Variants in PITPNM3 observed in about 807,000 individuals in gnomAD.
PITPNM3 encodes PITPNM family member 3.
PITPNM3 carries 26 observed loss-of-function variants against 102.0 expected under a neutral mutation model. The observed-to-expected ratio is 0.25, with a 90% CI of 0.19 to 0.35. PITPNM3 has a LOEUF of 0.35. Among genes scored for constraint, PITPNM3 ranks in the 10% least tolerant of loss-of-function variants. The pLI, the probability that PITPNM3 is intolerant of heterozygous loss-of-function variation, is 1.00. For synonymous variants in PITPNM3, 578 were observed against 558.6 expected (o/e 1.03, Z -0.49); for missense variants, 1,083 against 1,346.1 (o/e 0.80, Z 3.06).
chr17:6,501,568 C>G (rs1463428727), intron 4 of PITPNM3, among the ~76,000 whole-genome samples: 1 of 152,182 alleles, frequency 6.6e-6, no homozygotes, highest in Non-Finnish European at 1.5e-5. Flanking sequence ...TCAGCCAGCC[C>G]TGCATGGTTC....
At chr17:6,503,678 G>A (rs1383423896) in intron 3 of PITPNM3, 104 bp from the exon 4 acceptor site, 12 of 1,167,108 alleles carry the variant, frequency 1.0e-5, no homozygotes, top group Admixed American at 9.5e-5. Context: ...TCACTCTAGA[G>A]CTTGGGATGG....
Position 6,483,568 on chromosome 17 carries a change from TTGA to T in PITPNM3, c.533_535del (p.Ile178del). 1.2e-6 allele frequency: 2 copies of T among 1,613,828 alleles called. No individual in the cohort carries two copies. The highest frequency in any genetic ancestry group is 8.5e-7 in the Non-Finnish European group (1 of 1,179,962). ...GCAGATGGCAGGACAGGGGACGAAC[TTGA>T]TGAGGATGTGGCCCAGGGCAGCAGG... On this transcript the variant is annotated inframe_deletion, in exon 6 of 20. Transcript: ENST00000262483.
rs551958759 is a variant in PITPNM3 at position 6,487,091 on chromosome 17, G to A, written c.275-2799C>T. ...TCATGGTGTGTGCGGCTGTGTGTGC[G>A]GCTCTGGGGCAGGCTGTGAGTCAAG... is the stretch of plus-strand genomic sequence containing the variant. On this transcript the variant is annotated intron_variant, in intron 4 of 19. Transcript: ENST00000262483. Among the ~76,000 whole-genome samples, 265 of 152,274 alleles carry A rather than the reference G, an allele frequency of 1.7e-3. 2 individuals carry two copies. The highest frequency in any genetic ancestry group is 5.9e-3 in the African/African-American group (244 of 41,552).
chr17:6,492,726 G>A (rs1394673241), intron 4 of PITPNM3, among the ~76,000 whole-genome samples: 12 of 151,966 alleles, frequency 7.9e-5, no homozygotes, highest in African/African-American at 1.2e-4. Flanking sequence ...GCATGGTGGC[G>A]GGTGCCTGTA....
chr17:6,515,652 T>C (rs1005077745), intron 3 of PITPNM3, among the ~76,000 whole-genome samples: 8 of 152,078 alleles, frequency 5.3e-5, no homozygotes, highest in Non-Finnish European at 8.8e-5. Context: ...TCCTGCTCTG[T>C]GTTGTAATCT....
At chr17:6,503,485 C>G (rs546189816) in intron 4 of PITPNM3, 42 bp downstream of exon 4, 1 of 1,605,574 alleles carries the variant, frequency 6.2e-7, no homozygotes, top group East Asian at 2.2e-5. Flanking sequence ...TTGCACCCAT[C>G]CAAGGGGAAG....
chr17:6,498,314 T>A (rs1039966164), intron 4 of PITPNM3, among the ~76,000 whole-genome samples: 2 of 152,166 alleles, frequency 1.3e-5, no homozygotes, highest in Non-Finnish European at 2.9e-5. Context: ...AAGAAAACTG[T>A]GCTTAGAGAG....
In PITPNM3 at chr17:6,468,773, T is replaced by C. The variant is rs1904912969; in HGVS notation, c.1774-432A>G. On this transcript the variant is annotated intron_variant, in intron 13 of 19. Coordinates refer to ENST00000262483, the MANE Select transcript of PITPNM3 (RefSeq NM_031220.4). The surrounding 1 kb of genome is among the most constrained non-coding windows in gnomAD (Gnocchi z 5.2). ...ACTCCCTCCGCTAGATCACTCTCCT[T>C]AGCATTCAAATACGTGTAATACTGC... is the stretch of plus-strand genomic sequence containing the variant. Among the ~76,000 whole-genome samples the C allele has an allele frequency of 6.6e-6, 1 of 152,132 alleles. No individual in the cohort carries two copies. Among genetic ancestry groups the C allele is most frequent in the Non-Finnish European group, 1.5e-5 (1 of 68,022 alleles).
intron 3 of PITPNM3, among the ~76,000 whole-genome samples, chr17:6,523,885 G>A (rs1908679207): frequency 6.6e-6 from 1 of 152,154 alleles, no homozygotes; most frequent in Non-Finnish European, 1.5e-5. Flanking sequence ...TGACTTTGTT[G>A]GGGCCCAGAA....
At chr17:6,500,758 C>T (rs780968303) in intron 4 of PITPNM3, among the ~76,000 whole-genome samples, 20 of 152,134 alleles carry the variant, frequency 1.3e-4, no homozygotes, top group Admixed American at 3.3e-4. Flanking sequence ...TCACTGCAAC[C>T]TCTGCCTCCT....
In PITPNM3 at chr17:6,483,743, G is replaced by A. The variant is rs1905895594; in HGVS notation, c.361C>T (p.Pro121Ser). Residue 121 changes from proline (P) to serine (S), a missense_variant, in exon 6 of 20, where the codon CCG (proline) becomes TCG (serine). Transcript: ENST00000262483. ...EIHEDSEEGC[P>S]QRSCKTHVLL... ...ACATGTGTCTTGCAGGAGCGCTGCGGGCAGCCTTCCTGAGAGCCAAGGCGG... is the reference window on the plus strand; with the variant it reads ...ACATGTGTCTTGCAGGAGCGCTGCGAGCAGCCTTCCTGAGAGCCAAGGCGG... 6.2e-7 allele frequency: 1 copy of A among 1,612,612 alleles called. No homozygotes were observed. The highest frequency in any genetic ancestry group is 8.5e-7 in the Non-Finnish European group (1 of 1,180,036).
At chr17:6,530,509 C>T (rs779453622) in intron 2 of PITPNM3, among the ~76,000 whole-genome samples, 1 of 152,174 alleles carries the variant, frequency 6.6e-6, no homozygotes, top group Non-Finnish European at 1.5e-5. Flanking sequence ...GCCAGGCTGG[C>T]CACTGAGAGA....
In PITPNM3 at chr17:6,510,597, G is replaced by C. The variant is rs976922540; in HGVS notation, c.227-7023C>G. On this transcript the variant is annotated intron_variant, in intron 3 of 19. Coordinates refer to ENST00000262483, the MANE Select transcript of PITPNM3 (RefSeq NM_031220.4). ...CCCTGCAGTGACCAGCACAGGGTCT[G>C]ACACAGAGTAAGTGTCCATTCCTGT... Among the ~76,000 whole-genome samples the C allele has an allele frequency of 2.0e-5, 3 of 152,270 alleles. No individual in the cohort carries two copies. In the East Asian group the frequency reaches 5.8e-4, roughly 29 times the overall value.
Position 6,453,122 on chromosome 17 carries a change from TCC to T in PITPNM3, c.*2214_*2215del, listed in dbSNP as rs1428922589. ...CTTTCTTTCTCTCTCTCTTTCTCTC[TCC>T]CTCTCTCTCTCTCTCTCTCCCTCTC... On this transcript the variant is annotated 3_prime_UTR_variant, in exon 20 of 20. Coordinates refer to ENST00000262483, the MANE Select transcript of PITPNM3 (RefSeq NM_031220.4). The T allele has an allele frequency of 5.0e-5, 7 of 140,218 alleles. No individual in the cohort carries two copies. The highest frequency in any genetic ancestry group is 1.0e-4 in the Non-Finnish European group (7 of 67,566). 8.7% of individuals were successfully genotyped at this position (140,218 alleles called of 1,614,324 possible). A position where few individuals can be genotyped will look rare whatever the true frequency, so the allele number is the denominator to read the frequency against.
At chr17:6,538,602 G>T (rs1427043606) in intron 1 of PITPNM3, among the ~76,000 whole-genome samples, 1 of 152,148 alleles carries the variant, frequency 6.6e-6, no homozygotes, top group East Asian at 1.9e-4. Flanking sequence ...AAATGCTTCT[G>T]CCCAGAAATC....
intron 16 of PITPNM3, 70 bp downstream of exon 16, chr17:6,464,100 C>G (rs576850438): frequency 6.2e-7 from 1 of 1,609,992 alleles, no homozygotes; most frequent in Non-Finnish European, 8.5e-7. Flanking sequence ...ACCCCATCCT[C>G]TAGACAGGCC....
intron 1 of PITPNM3, among the ~76,000 whole-genome samples, chr17:6,552,029 G>A (rs756123264): frequency 2.6e-5 from 4 of 152,146 alleles, no homozygotes; most frequent in Non-Finnish European, 5.9e-5. Context: ...TTGTTAACGA[G>A]GACTTGGAAC....
In PITPNM3 at chr17:6,465,811, T is replaced by C. The variant is rs1028275914; in HGVS notation, c.1891-1040A>G. 3.9e-5 allele frequency among the ~76,000 whole-genome samples: 6 copies of C among 152,266 alleles called. 1 individual carries two copies. The highest frequency in any genetic ancestry group is 2.0e-4 in the Admixed American group (3 of 15,296). Reference sequence around the variant, plus strand: ...ACCAGCCCCCACTCCCAGCCTGGCCTCCAAGACCCCAGTCTCTCCATCTAG... The same window carrying C: ...ACCAGCCCCCACTCCCAGCCTGGCCCCCAAGACCCCAGTCTCTCCATCTAG... On this transcript the variant is annotated intron_variant, in intron 14 of 19. Coordinates refer to ENST00000262483, the MANE Select transcript of PITPNM3 (RefSeq NM_031220.4).
intron 2 of PITPNM3, among the ~76,000 whole-genome samples, chr17:6,527,093 C>T (rs1908873383): frequency 6.7e-6 from 1 of 148,174 alleles, no homozygotes; most frequent in Admixed American, 6.7e-5. Context: ...GTCTGCTTTC[C>T]TATCTTTTAA....
Sources: gnomAD v4.1 joint callset for allele counts (sites outside exome capture counted in the v4.1 genomes callset) on GRCh38, gnomAD v4.1.1 for gene constraint, Gnocchi (gnomAD v3.1) non-coding constraint, MANE v1.5 for transcripts, NCBI Gene and HGNC (gene_info 2026-07-23, HGNC 2026-07-21) for gene names.